TMEM132B: variants seen among roughly 807,000 people sequenced by gnomAD.
TMEM132B encodes transmembrane protein 132B.
Under a neutral mutation model 90.8 loss-of-function variants are expected in TMEM132B, and 18 were observed. That is an observed-to-expected ratio of 0.20 (90% CI 0.14 to 0.29). TMEM132B has a LOEUF of 0.29. TMEM132B is among the 10% of genes least tolerant of loss of function. The pLI, the probability that TMEM132B is intolerant of heterozygous loss-of-function variation, is 1.00. For missense variants in TMEM132B, 1,096 were observed against 1,326.8 expected (o/e 0.83, Z 2.70); for synonymous variants, 504 against 523.3 (o/e 0.96, Z 0.50).
At chr12:125,218,415 T>G (rs1165093728) in intron 1 of TMEM132B, among the ~76,000 whole-genome samples, 1 of 152,196 alleles carries the variant, frequency 6.6e-6, no homozygotes, top group Non-Finnish European at 1.5e-5. Context: ...GACCGAGAGC[T>G]TCCAGAGCTA....
At chr12:125,409,020 G>A in intron 2 of TMEM132B, among the ~76,000 whole-genome samples, 1 of 152,172 alleles carries the variant, frequency 6.6e-6, no homozygotes, top group East Asian at 1.9e-4. Flanking sequence ...GAAAAGTCAA[G>A]ACAAAGACAG....
intron 1 of TMEM132B, among the ~76,000 whole-genome samples, chr12:125,314,034 G>A (rs1353736435): frequency 5.9e-5 from 9 of 152,198 alleles, no homozygotes; most frequent in Admixed American, 2.6e-4. Context: ...CCCAGGATCA[G>A]TGCATCTTTT....
chr12:125,652,093 G>A (rs545770526), intron 7 of TMEM132B, among the ~76,000 whole-genome samples: 75 of 152,216 alleles, frequency 4.9e-4, no homozygotes, highest in Non-Finnish European at 9.3e-4. Flanking sequence ...AAGGCCAGCT[G>A]TGCCATTCTA....
chr12:125,433,443 A>G (rs1456805393), intron 3 of TMEM132B, among the ~76,000 whole-genome samples: 1 of 151,868 alleles, frequency 6.6e-6, no homozygotes, highest in Non-Finnish European at 1.5e-5. Flanking sequence ...CTGTGCCACG[A>G]GTCTCAGCTG....
chr12:125,344,164 T>C lies in TMEM132B; in HGVS notation c.68-5288T>C, dbSNP rs547783420. Among the ~76,000 whole-genome samples the C allele has an allele frequency of 8.5e-5, 13 of 152,328 alleles. No homozygotes were observed. In the East Asian group the frequency reaches 2.5e-3, roughly 29 times the overall value. On this transcript the variant is annotated intron_variant, in intron 1 of 8. Coordinates refer to ENST00000682704, the MANE Select transcript of TMEM132B (RefSeq NM_001366854.1). The stretch of plus-strand genomic sequence containing the variant: ...GAAAAACACAAAGGCTAATTTCAGA[T>C]GGTGATAGTGGCTTTGAGGGAATAT...
intron 3 of TMEM132B, among the ~76,000 whole-genome samples, chr12:125,495,064 C>A: frequency 3.0e-5 from 2 of 66,456 alleles, no homozygotes; most frequent in African/African-American, 6.1e-5. Context: ...TGAAAATGGC[C>A]GCGTCCCTCC....
rs1343803939 is a variant in TMEM132B, at chr12:125,652,600, G to T, written c.2074G>T (p.Ala692Ser). The T allele has an allele frequency of 1.9e-6, 3 of 1,613,420 alleles. No homozygotes were observed. Among genetic ancestry groups the T allele is most frequent in the Non-Finnish European group, 2.5e-6 (3 of 1,179,676 alleles). ...ADKRAIVSTA[A>S]ALDVLQSPQQ... Reference sequence around the variant, plus strand: ...CAAAAGGGCCATCGTCTCCACAGCTGCTGCCCTGGATGTTCTTCAGTCCCC... The same window carrying T: ...CAAAAGGGCCATCGTCTCCACAGCTTCTGCCCTGGATGTTCTTCAGTCCCC... The change falls in exon 8 of 9, where the codon GCT becomes TCT. Residue 692 changes from alanine to serine, a missense_variant. Ala to Ser is a moderately conservative substitution (Grantham distance 99). Transcript: ENST00000682704.
chr12:125,406,228 T>G lies in TMEM132B; in HGVS notation c.960-9303T>G, dbSNP rs1879472396. The stretch of plus-strand genomic sequence containing the variant: ...TCTGGCTAAAGCAGAATGCAAAACT[T>G]CCCTTCCCTGGTCATACCCACACAA... On this transcript the variant is annotated intron_variant, in intron 2 of 8. Coordinates refer to ENST00000682704, the MANE Select transcript of TMEM132B (RefSeq NM_001366854.1). The surrounding 1 kb of genome is among the most constrained non-coding windows in gnomAD (Gnocchi z 8.3). Among the ~76,000 whole-genome samples the G allele has an allele frequency of 6.6e-6, 1 of 152,174 alleles. No homozygotes were observed. The highest frequency in any genetic ancestry group is 6.5e-5 in the Admixed American group (1 of 15,280).
At chr12:125,217,412 G>C (rs1593044755) in intron 1 of TMEM132B, among the ~76,000 whole-genome samples, 1 of 152,170 alleles carries the variant, frequency 6.6e-6, no homozygotes, top group African/African-American at 2.4e-5. Context: ...GATGTAGAAA[G>C]TGTTCTCTTT....
chr12:125,373,281 A>G (rs1265388298), intron 2 of TMEM132B, among the ~76,000 whole-genome samples: 7 of 152,208 alleles, frequency 4.6e-5, no homozygotes, highest in Non-Finnish European at 1.0e-4. Context: ...CATGGGCTGA[A>G]TTGTGTCCCC....
Position 125,445,522 on chromosome 12 carries a change from A to T in TMEM132B, c.1106+29845A>T, listed in dbSNP as rs1454791781. 6.6e-6 allele frequency among the ~76,000 whole-genome samples: 1 copy of T among 152,196 alleles called. No homozygotes were observed. The highest frequency in any genetic ancestry group is 1.5e-5 in the Non-Finnish European group (1 of 68,030). ...GACACTGGAGGAACATGGTAGGAGG[A>T]GGGATCTGCATCTGGAGTGCTGCTC... On this transcript the variant is annotated intron_variant, in intron 3 of 8. Transcript: ENST00000682704. The surrounding 1 kb of genome is among the most constrained non-coding windows in gnomAD (Gnocchi z 4.3).
intron 1 of TMEM132B, among the ~76,000 whole-genome samples, chr12:125,252,882 A>G (rs183481142): frequency 6.6e-6 from 1 of 152,214 alleles, no homozygotes; most frequent in Non-Finnish European, 1.5e-5. Flanking sequence ...TTCTTGAAAC[A>G]GGGTACCTGA....
rs545964808 is a variant in TMEM132B at position 125,515,596 on chromosome 12, C to T, written c.1107-3843C>T. ...TCACACACACACATTCCCTCTCACA[C>T]ACACTCATACAACACATATTCACAC... On this transcript the variant is annotated intron_variant, in intron 3 of 8. Coordinates refer to ENST00000682704, the MANE Select transcript of TMEM132B (RefSeq NM_001366854.1). Among the ~76,000 whole-genome samples, 904 of 149,758 alleles carry T rather than the reference C, an allele frequency of 6.0e-3. 5 individuals are homozygous for T. Among genetic ancestry groups the T allele is most frequent in the African/African-American group, 0.022 (872 of 39,542 alleles).
chr12:125,383,736 A>G (rs1024389079), intron 2 of TMEM132B, among the ~76,000 whole-genome samples: 1 of 152,246 alleles, frequency 6.6e-6, no homozygotes, highest in Non-Finnish European at 1.5e-5. Context: ...GATGGCAACT[A>G]TAAATAATAA....
intron 1 of TMEM132B, among the ~76,000 whole-genome samples, chr12:125,215,797 C>A (rs11058068): frequency 2.0e-5 from 3 of 152,294 alleles, no homozygotes; most frequent in East Asian, 3.9e-4. Context: ...CCGCCTTGGC[C>A]TCCCAAAGTG....
chr12:125,444,878 C>G (rs980393858), intron 3 of TMEM132B, among the ~76,000 whole-genome samples: 2 of 144,988 alleles, frequency 1.4e-5, no homozygotes, highest in Non-Finnish European at 2.9e-5. Flanking sequence ...AGAAATTCTA[C>G]TTGTAGAATG....
chr12:125,226,582 T>C (rs1353530683), intron 1 of TMEM132B, among the ~76,000 whole-genome samples: 2 of 151,964 alleles, frequency 1.3e-5, no homozygotes, highest in Non-Finnish European at 2.9e-5. Context: ...ATCGGGAGAG[T>C]CCATTAAGAA....
At chr12:125,358,991 A>C (rs1428115087) in intron 2 of TMEM132B, among the ~76,000 whole-genome samples, 2 of 152,212 alleles carry the variant, frequency 1.3e-5, no homozygotes, top group African/African-American at 2.4e-5. Context: ...TTGTGAGGCA[A>C]AGGAGCAAAC....
At chr12:125,439,093 T>C (rs1466808398) in intron 3 of TMEM132B, among the ~76,000 whole-genome samples, 1 of 152,190 alleles carries the variant, frequency 6.6e-6, no homozygotes, top group Non-Finnish European at 1.5e-5. Context: ...TCAGGTAAGG[T>C]GATGTCTACA....
Sources: allele counts gnomAD v4.1 joint callset (sites outside exome capture counted in the v4.1 genomes callset), GRCh38; gene constraint gnomAD v4.1.1; non-coding constraint Gnocchi (gnomAD v3.1); transcripts MANE v1.5; gene names NCBI Gene and HGNC (gene_info 2026-07-23, HGNC 2026-07-21).